The following HNRNPR variants were observed in gnomAD, a reference collection of about 807,000 sequenced individuals.
The protein encoded by HNRNPR is heterogeneous nuclear ribonucleoprotein R.
HNRNPR carries 4 observed loss-of-function variants against 70.3 expected under a neutral mutation model. The observed-to-expected ratio is 0.06, with a 90% CI of 0.03 to 0.13. The LOEUF is 0.13. Ranked by LOEUF, HNRNPR falls within the 10% of genes least tolerant of loss-of-function variation. The probability of loss-of-function intolerance (pLI) is 1.00; values close to 1 mark genes in which losing one functional copy is unlikely to be tolerated. For synonymous variants in HNRNPR, 241 were observed against 267.6 expected, an observed-to-expected ratio of 0.90 and a Z score of 0.97; for missense variants, 423 against 788.5, an observed-to-expected ratio of 0.54 and a Z score of 5.55.
At chr1:23,342,021 T>C (rs1214476624) in intron 1 of HNRNPR, among the ~76,000 whole-genome samples, 2 of 152,104 alleles carry the variant, frequency 1.3e-5, no homozygotes, top group African/African-American at 4.8e-5. Flanking sequence ...AATTACAATG[T>C]GATGAAGATA....
intron 6 of HNRNPR, 57 bp from the exon 7 acceptor site, chr1:23,321,720 T>C: frequency 1.3e-6 from 2 of 1,514,818 alleles, no homozygotes; most frequent in Non-Finnish European, 1.8e-6. Flanking sequence ...GGACAATTGA[T>C]CTTAATCTAA....
At chr1:23,334,784 G>A (rs965918383) in intron 4 of HNRNPR, among the ~76,000 whole-genome samples, 9 of 152,168 alleles carry the variant, frequency 5.9e-5, no homozygotes, top group African/African-American at 2.2e-4. Context: ...TAGAAAAGAA[G>A]ATAATCTCCT....
intron 5 of HNRNPR, among the ~76,000 whole-genome samples, chr1:23,330,772 A>G (rs1646188890): frequency 6.6e-6 from 1 of 152,186 alleles, no homozygotes; most frequent in South Asian, 2.1e-4. Flanking sequence ...CCCAAAAATG[A>G]GATATCATAG....
In HNRNPR at chr1:23,327,821, CA is replaced by C. The variant is rs1156228776; in HGVS notation, c.499-4090del. 2.0e-5 allele frequency among the ~76,000 whole-genome samples: 3 copies of C among 151,690 alleles called. No homozygotes were observed. The East Asian group carries it at 5.8e-4, about 29-fold the overall frequency. On this transcript the variant is annotated intron_variant, in intron 5 of 10. Transcript: ENST00000302271. ...AGTTTTCACTAGGAGGGCTTCCCTA[CA>C]GGGGTAAATTTGAGCTGAGATCTAA...
rs889616891 is a variant in HNRNPR, at chr1:23,309,062, A to T, written c.*1392T>A. ...CTCAAGCAAAAAAGTCATTAGAATA[A>T]ATCAGAATTTCTAAAGGAAATAGGG... On this transcript the variant is annotated 3_prime_UTR_variant, in exon 11 of 11. Coordinates refer to ENST00000302271, the MANE Select transcript of HNRNPR (RefSeq NM_005826.5). 10 of 152,120 alleles carry T rather than the reference A, an allele frequency of 6.6e-5. No individual in the cohort carries two copies. The highest frequency in any genetic ancestry group is 2.6e-4 in the Admixed American group (4 of 15,280). The allele number at this position is 152,120 out of a possible 1,614,324, so 9.4% of individuals were successfully genotyped here.
Position 23,306,215 on chromosome 1 carries a change from T to C in HNRNPR, c.*4239A>G, listed in dbSNP as rs1645200413. The C allele has an allele frequency of 6.6e-6, 1 of 152,168 alleles. No homozygotes were observed. The highest frequency in any genetic ancestry group is 1.5e-5 in the Non-Finnish European group (1 of 68,014). 9.4% of individuals were successfully genotyped at this position (152,168 alleles called of 1,614,324 possible). Reference sequence around the variant, plus strand: ...TTTCATTACTTCATACTTGCAGGCCTTTCCTGCTGATCTGCTACCAATTTA... The same window carrying C: ...TTTCATTACTTCATACTTGCAGGCCCTTCCTGCTGATCTGCTACCAATTTA... On this transcript the variant is annotated 3_prime_UTR_variant, in exon 11 of 11. Transcript: ENST00000302271.
intron 5 of HNRNPR, among the ~76,000 whole-genome samples, chr1:23,329,730 T>G (rs1383567618): frequency 6.6e-6 from 1 of 152,198 alleles, no homozygotes; most frequent in Non-Finnish European, 1.5e-5. Context: ...CAGACTCAAC[T>G]GATCTTTCCA....
At chr1:23,323,182 A>G (rs1426962649) in intron 6 of HNRNPR, among the ~76,000 whole-genome samples, 1 of 151,916 alleles carries the variant, frequency 6.6e-6, no homozygotes, top group African/African-American at 2.4e-5. Flanking sequence ...TATGTTCCCC[A>G]CAGCCCATTC....
At chr1:23,316,737 C>A (rs910339603) in intron 8 of HNRNPR, among the ~76,000 whole-genome samples, 1 of 151,868 alleles carries the variant, frequency 6.6e-6, no homozygotes, top group Admixed American at 6.6e-5. Context: ...AGTAGTTTAC[C>A]CAAAGTCATA....
At chr1:23,331,732 G>T (rs1317647692) in intron 5 of HNRNPR, among the ~76,000 whole-genome samples, 2 of 150,952 alleles carry the variant, frequency 1.3e-5, no homozygotes, top group African/African-American at 4.9e-5. Context: ...TACTGGGGAG[G>T]CTGAGGCAGG....
chr1:23,343,917 G>C (rs1020997625), intron 1 of HNRNPR, among the ~76,000 whole-genome samples: 1 of 152,152 alleles, frequency 6.6e-6, no homozygotes, highest in Non-Finnish European at 1.5e-5. Context: ...ATGGAGCAGC[G>C]AGCGGAGGCG....
At chr1:23,331,477 T>A (rs1646222345) in intron 5 of HNRNPR, among the ~76,000 whole-genome samples, 1 of 150,152 alleles carries the variant, frequency 6.7e-6, no homozygotes, top group Non-Finnish European at 1.5e-5. Flanking sequence ...ATGTCAGGAG[T>A]TCGAGACCAG....
At position 23,324,436 on chromosome 1, in the gene HNRNPR, C is replaced by G. The variant is rs1226331842; in HGVS notation, c.499-704G>C. 2.6e-5 allele frequency among the ~76,000 whole-genome samples: 4 copies of G among 152,206 alleles called. No homozygotes were observed. The East Asian group carries it at 7.7e-4, about 29-fold the overall frequency. ...ACAAAAAATTCTCCGGGCATGGTGGCAGGCGCCTGTACTCCCAGCTACTTG... is the reference window on the plus strand; with the variant it reads ...ACAAAAAATTCTCCGGGCATGGTGGGAGGCGCCTGTACTCCCAGCTACTTG... On this transcript the variant is annotated intron_variant, in intron 5 of 10. Coordinates refer to ENST00000302271, the MANE Select transcript of HNRNPR (RefSeq NM_005826.5).
At chr1:23,327,019 T>C (rs1004731242) in intron 5 of HNRNPR, among the ~76,000 whole-genome samples, 16 of 152,176 alleles carry the variant, frequency 1.1e-4, no homozygotes, top group Admixed American at 8.5e-4. Context: ...GCTCCTCTGA[T>C]TGCCCCCGTC....
chr1:23,336,733 ACT>A (rs1646506138), intron 4 of HNRNPR, among the ~76,000 whole-genome samples: 1 of 141,028 alleles, frequency 7.1e-6, no homozygotes, highest in Non-Finnish European at 1.5e-5. Flanking sequence ...GCACTCCAGC[ACT>A]CCAGCCTGGG....
chr1:23,331,656 CAGCCTGGGCAACA>C (rs1646229681), intron 5 of HNRNPR, among the ~76,000 whole-genome samples: 1 of 151,412 alleles, frequency 6.6e-6, no homozygotes, highest in South Asian at 2.1e-4. Flanking sequence ...CATTACACTC[CAGCCTGGGCAACA>C]AGAGCAAAAC....
intron 5 of HNRNPR, among the ~76,000 whole-genome samples, chr1:23,326,935 TATG>T (rs1238961100): frequency 2.4e-4 from 37 of 152,218 alleles, no homozygotes; most frequent in African/African-American, 8.7e-4. Context: ...CCTTGAAATC[TATG>T]ATGAAGACAT....
chr1:23,312,977 G>GA (rs1645393214), intron 9 of HNRNPR, among the ~76,000 whole-genome samples: 1 of 152,108 alleles, frequency 6.6e-6, no homozygotes, highest in Non-Finnish European at 1.5e-5. Context: ...GATACCATAT[G>GA]AAAATACTTT....
intron 4 of HNRNPR, among the ~76,000 whole-genome samples, chr1:23,336,428 C>T (rs1202345737): frequency 2.0e-5 from 3 of 151,582 alleles, no homozygotes; most frequent in African/African-American, 4.9e-5. Context: ...AAAAATTAGC[C>T]GGGCATGGTA....
Sources: gnomAD v4.1 joint callset for allele counts (sites outside exome capture counted in the v4.1 genomes callset) on GRCh38, gnomAD v4.1.1 for gene constraint, MANE v1.5 for transcripts, NCBI Gene and HGNC (gene_info 2026-07-23, HGNC 2026-07-21) for gene names.